Variants in EDIL3 observed in about 807,000 individuals in gnomAD.
EDIL3 encodes EGF-like repeat and discoidin I-like domain-containing protein 3.
In EDIL3, 37 loss-of-function variants were observed where a neutral mutation model predicts 67.4. The observed-to-expected ratio is 0.55, with a 90% CI of 0.42 to 0.72. The LOEUF (loss-of-function observed/expected upper bound fraction) is 0.72. Among genes scored for constraint, EDIL3 ranks in the 30% least tolerant of loss-of-function variants. The pLI, the probability that EDIL3 is intolerant of heterozygous loss-of-function variation, is 0.00. For missense variants in EDIL3, 527 were observed against 586.3 expected (o/e 0.90, Z 1.04); for synonymous variants, 195 against 196.3 (o/e 0.99, Z 0.05).
At chr5:83,974,926 C>G (rs183819107) in intron 9 of EDIL3, among the ~76,000 whole-genome samples, 1 of 151,928 alleles carries the variant, frequency 6.6e-6, no homozygotes, top group East Asian at 1.9e-4. Flanking sequence ...TATCTATTTC[C>G]TTAATATAGT....
chr5:84,180,553 T>A, intron 3 of EDIL3, 32 bp from the exon 4 acceptor site: 1 of 1,529,920 alleles, frequency 6.5e-7, no homozygotes, highest in Non-Finnish European at 8.8e-7. Context: ...TTCTGCTTGA[T>A]GCATATTCTT....
intron 2 of EDIL3, among the ~76,000 whole-genome samples, chr5:84,243,629 G>A (rs979565895): frequency 6.6e-6 from 1 of 152,166 alleles, no homozygotes; most frequent in African/African-American, 2.4e-5. Flanking sequence ...TTAAAAAGGT[G>A]TTAATTCTTA....
chr5:84,156,115 G>C (rs756215259), intron 4 of EDIL3, among the ~76,000 whole-genome samples: 3 of 152,178 alleles, frequency 2.0e-5, no homozygotes, highest in Non-Finnish European at 2.9e-5. Context: ...ATTCAGTGTT[G>C]TCAATTTCTG....
chr5:84,176,191 TATATATA>T (rs1333610299), intron 4 of EDIL3, among the ~76,000 whole-genome samples: 37 of 28,250 alleles, frequency 1.3e-3, no homozygotes, highest in African/African-American at 6.3e-3. Flanking sequence ...AATATATATA[TATATATA>T]ATATATATAT....
intron 9 of EDIL3, among the ~76,000 whole-genome samples, chr5:83,971,338 A>G (rs1208414034): frequency 6.7e-6 from 1 of 150,236 alleles, no homozygotes; most frequent in Non-Finnish European, 1.5e-5. Flanking sequence ...AGTGAAGTGC[A>G]TGATCATAGG....
Position 83,978,297 on chromosome 5 carries a change from CAG to C in EDIL3, c.1138-14939_1138-14938del, listed in dbSNP as rs1744908176. On this transcript the variant is annotated intron_variant, in intron 9 of 10. Transcript: ENST00000296591. ...TGGTATTACAGAATGGGCATCTACACAGAGATTGAAGTCCTTAATAAAAAACA... is the reference window on the plus strand; with the variant it reads ...TGGTATTACAGAATGGGCATCTACACAGATTGAAGTCCTTAATAAAAAACA... 9.9e-5 allele frequency among the ~76,000 whole-genome samples: 15 copies of C among 151,996 alleles called. No homozygotes were observed. In the South Asian group the frequency reaches 3.1e-3, roughly 31 times the overall value.
chr5:84,189,012 T>C (rs1412548469), intron 3 of EDIL3, among the ~76,000 whole-genome samples: 2 of 152,090 alleles, frequency 1.3e-5, no homozygotes, highest in Admixed American at 6.6e-5. Flanking sequence ...ACCCGCCTTA[T>C]GGTTCCTGTG....
intron 3 of EDIL3, among the ~76,000 whole-genome samples, chr5:84,229,293 A>C (rs1160294920): frequency 6.6e-6 from 1 of 152,174 alleles, no homozygotes; most frequent in Non-Finnish European, 1.5e-5. Flanking sequence ...AATACTAATT[A>C]GCTGGATAAG....
At chr5:84,139,347 G>C (rs1435215950) in intron 4 of EDIL3, among the ~76,000 whole-genome samples, 1 of 149,836 alleles carries the variant, frequency 6.7e-6, no homozygotes, top group East Asian at 2.0e-4. Flanking sequence ...AGGAGGGAGG[G>C]AGGGGAAAGA....
chr5:83,996,050 A>G (rs1745234091), intron 9 of EDIL3, among the ~76,000 whole-genome samples: 1 of 152,174 alleles, frequency 6.6e-6, no homozygotes, highest in Non-Finnish European at 1.5e-5. Flanking sequence ...TCCCTGGTAA[A>G]TCGGAAGACA....
At chr5:84,259,938 T>C (rs1317420260) in intron 1 of EDIL3, among the ~76,000 whole-genome samples, 3 of 152,188 alleles carry the variant, frequency 2.0e-5, no homozygotes, top group Non-Finnish European at 4.4e-5. Context: ...GCTTAGTATA[T>C]AATTATACAA....
At chr5:83,962,834 T>C (rs1380229345) in intron 10 of EDIL3, among the ~76,000 whole-genome samples, 1 of 151,648 alleles carries the variant, frequency 6.6e-6, no homozygotes, top group African/African-American at 2.4e-5. Flanking sequence ...CATCAGGAAT[T>C]TATTTTAATA....
chr5:83,992,732 GAA>G (rs1745172500), intron 9 of EDIL3, among the ~76,000 whole-genome samples: 1 of 152,026 alleles, frequency 6.6e-6, no homozygotes, highest in Non-Finnish European at 1.5e-5. Context: ...ACGAAGTAAT[GAA>G]AGACATTTTA....
At chr5:84,318,952 AT>A (rs1167202313) in intron 1 of EDIL3, among the ~76,000 whole-genome samples, 1 of 152,200 alleles carries the variant, frequency 6.6e-6, no homozygotes, top group Non-Finnish European at 1.5e-5. Context: ...GCTTAAAAAA[AT>A]TTACAAGAAG....
In EDIL3 at chr5:83,943,330, C is replaced by G; in HGVS notation, c.*89G>C. ...TTTTTCATGAAAAAAAAAAAAAAACCATTCAGTTTCCTACAGATTTTGCAC... is the reference window on the plus strand; with the variant it reads ...TTTTTCATGAAAAAAAAAAAAAAACGATTCAGTTTCCTACAGATTTTGCAC... On this transcript the variant is annotated 3_prime_UTR_variant, in exon 11 of 11. Coordinates refer to ENST00000296591, the MANE Select transcript of EDIL3 (RefSeq NM_005711.5). 3 of 1,449,824 alleles carry G rather than the reference C, an allele frequency of 2.1e-6. No homozygotes were observed. Among genetic ancestry groups the G allele is most frequent in the Non-Finnish European group, 2.8e-6 (3 of 1,073,218 alleles). 89.8% of individuals were successfully genotyped at this position (1,449,824 alleles called of 1,614,324 possible).
intron 2 of EDIL3, among the ~76,000 whole-genome samples, chr5:84,252,057 AAG>A (rs1177125450): frequency 6.6e-6 from 1 of 152,190 alleles, no homozygotes; most frequent in African/African-American, 2.4e-5. Flanking sequence ...TAATTTCCCA[AAG>A]TCACACTGAA....
intron 6 of EDIL3, among the ~76,000 whole-genome samples, chr5:84,104,893 C>T (rs1747430239): frequency 6.6e-6 from 1 of 151,986 alleles, no homozygotes; most frequent in African/African-American, 2.4e-5. Context: ...AGAGTAAACA[C>T]TGGAAAAGCA....
intron 3 of EDIL3, among the ~76,000 whole-genome samples, chr5:84,216,725 G>A (rs1456276731): frequency 2.6e-5 from 4 of 151,968 alleles, no homozygotes; most frequent in Non-Finnish European, 4.4e-5. Context: ...AATCATAATC[G>A]AAATCACAAT....
rs1481697293 is a variant in EDIL3 at position 84,378,155 on chromosome 5, TTAAA to T, written c.67+6149_67+6152del. Among the ~76,000 whole-genome samples, 3 of 152,230 alleles carry T rather than the reference TTAAA, an allele frequency of 2.0e-5. No homozygotes were observed. In the East Asian group the frequency reaches 5.8e-4, roughly 29 times the overall value. The stretch of plus-strand genomic sequence containing the variant: ...TTTATTTGACACAACGGGAAAAGTC[TTAAA>T]TAAGTACATTGTTCAGATATCTAGC... On this transcript the variant is annotated intron_variant, in intron 1 of 10. Transcript: ENST00000296591.
Sources: allele counts gnomAD v4.1 joint callset (sites outside exome capture counted in the v4.1 genomes callset), GRCh38; gene constraint gnomAD v4.1.1; transcripts MANE v1.5; gene names NCBI Gene and HGNC (gene_info 2026-07-23, HGNC 2026-07-21).